Variants in SPRY3 observed in about 807,000 individuals in gnomAD.
SPRY3 encodes the protein sprouty RTK signaling antagonist 3.
SPRY3 carries 15 observed loss-of-function variants against 20.2 expected under a neutral mutation model. The observed-to-expected ratio is 0.74, with a 90% CI of 0.50 to 1.14. SPRY3 has a LOEUF of 1.14. Among genes scored for constraint, SPRY3 ranks in the 50% most tolerant of loss-of-function variants. The pLI is 0.00. For missense variants in SPRY3, 364 were observed against 363.9 expected (o/e 1.00, Z 0.00); for synonymous variants, 143 against 136.5 (o/e 1.05, Z -0.33).
intron 1 of SPRY3, among the ~76,000 whole-genome samples, chrX:155,618,313 C>A (rs959080119): frequency 1.3e-4 from 15 of 111,486 alleles, no homozygotes; most frequent in Non-Finnish European, 2.5e-4. Context: ...TTCTACTCAG[C>A]TTAACTCCCT....
chrX:155,718,369 T>C (rs1319256992), intron 2 of SPRY3, among the ~76,000 whole-genome samples: 2 of 152,146 alleles, frequency 1.3e-5, no homozygotes, highest in Non-Finnish European at 2.9e-5. Context: ...CATAACTATG[T>C]ATAATTTTTG....
intron 2 of SPRY3, chrX:155,767,746 G>GATGAGGAGAAAGAGGAGGAGT (rs2091348220): frequency 7.0e-6 from 1 of 142,314 alleles, no homozygotes; most frequent in Non-Finnish European, 1.5e-5. Flanking sequence ...GAGAGAGGAG[G>GATGAGGAGAAAGAGGAGGAGT]AGGAGGAGAG....
chrX:155,637,858 G>C (rs1220743900), intron 1 of SPRY3, among the ~76,000 whole-genome samples: 1 of 110,022 alleles, frequency 9.1e-6, no homozygotes, highest in Non-Finnish European at 1.9e-5. Flanking sequence ...TGTGTTTTCT[G>C]TCTCCTGACT....
chrX:155,755,124 T>TCATTTGTATGGATATAACCACTCTACC (rs201257706), intron 2 of SPRY3, among the ~76,000 whole-genome samples: 1 of 151,828 alleles, frequency 6.6e-6, no homozygotes, highest in African/African-American at 2.4e-5. Flanking sequence ...AAAAAATAAG[T>TCATTTGTATGGATATAACCACTCTACC]AAAAAGTCTA....
intron 1 of SPRY3, among the ~76,000 whole-genome samples, chrX:155,622,426 C>T (rs1334836450): frequency 9.0e-6 from 1 of 111,686 alleles, no homozygotes; most frequent in East Asian, 2.8e-4. Context: ...GTCTCAGCGG[C>T]TTATTCTGGC....
chrX:155,644,642 C>T (rs1385721756), intron 1 of SPRY3, among the ~76,000 whole-genome samples: 1 of 111,194 alleles, frequency 9.0e-6, no homozygotes, highest in East Asian at 2.9e-4. Flanking sequence ...ACAGGGAGTA[C>T]TGCCAGGCTA....
chrX:155,699,743 A>G (rs1012843554), intron 2 of SPRY3, among the ~76,000 whole-genome samples: 1 of 110,894 alleles, frequency 9.0e-6, no homozygotes, highest in East Asian at 2.8e-4. Context: ...TTGAGCCTAC[A>G]ACTACAGCTG....
chrX:155,748,108 A>G (rs1299641602), intron 2 of SPRY3, among the ~76,000 whole-genome samples: 3 of 151,876 alleles, frequency 2.0e-5, no homozygotes, highest in Non-Finnish European at 4.4e-5. Context: ...TACATTTGCC[A>G]TCCTATTCTT....
At chrX:155,680,614 T>A (rs2068071760) in intron 2 of SPRY3, among the ~76,000 whole-genome samples, 2 of 111,177 alleles carry the variant, frequency 1.8e-5, no homozygotes, top group African/African-American at 6.6e-5. Context: ...GAACACTGAG[T>A]TTCGGATAAA....
intron 2 of SPRY3, among the ~76,000 whole-genome samples, chrX:155,736,793 T>C (rs1471691739): frequency 1.2e-4 from 18 of 152,010 alleles, no homozygotes; most frequent in Non-Finnish European, 2.2e-4. Context: ...TTATTTTGTT[T>C]CTTTCTCTCT....
downstream of SPRY3, chrX:155,777,032 T>C (rs1029724463): frequency 6.0e-6 from 1 of 167,086 alleles, no homozygotes; most frequent in African/African-American, 2.4e-5. Flanking sequence ...CCAATACCTG[T>C]AACCTCTTAT....
At chrX:155,720,290 C>A (rs1430528577) in intron 2 of SPRY3, among the ~76,000 whole-genome samples, 1 of 152,066 alleles carries the variant, frequency 6.6e-6, no homozygotes, top group African/African-American at 2.4e-5. Flanking sequence ...CAATAGAACA[C>A]CATTAGACTT....
At chrX:155,753,196 A>G (rs2091270893) in intron 2 of SPRY3, among the ~76,000 whole-genome samples, 1 of 151,900 alleles carries the variant, frequency 6.6e-6, no homozygotes, top group Admixed American at 6.6e-5. Flanking sequence ...ACTATCTTAT[A>G]CCATAATGTT....
At chrX:155,659,142 T>TCTTTCTTG (rs2068001968) in intron 2 of SPRY3, among the ~76,000 whole-genome samples, 1 of 105,847 alleles carries the variant, frequency 9.4e-6, no homozygotes, top group Non-Finnish European at 1.9e-5. Context: ...TTTCTTTCTT[T>TCTTTCTTG]CTTTCTTTCT....
intron 1 of SPRY3, among the ~76,000 whole-genome samples, chrX:155,655,888 T>C (rs782076771): frequency 8.9e-6 from 1 of 112,306 alleles, no homozygotes; most frequent in South Asian, 3.7e-4. Context: ...GGATATGAAA[T>C]TCTGGGTTGA....
intron 2 of SPRY3, among the ~76,000 whole-genome samples, chrX:155,669,153 A>T (rs1557354548): frequency 9.0e-6 from 1 of 111,188 alleles, no homozygotes; most frequent in African/African-American, 3.3e-5. Context: ...AAAGTCCTAA[A>T]CCATTCAAGG....
At chrX:155,761,569 A>G (rs2091304249) in intron 2 of SPRY3, among the ~76,000 whole-genome samples, 1 of 152,140 alleles carries the variant, frequency 6.6e-6, no homozygotes, top group Non-Finnish European at 1.5e-5. Flanking sequence ...TATATACCCA[A>G]TAGTGGGATT....
At chrX:155,753,489 C>T (rs1389342159) in intron 2 of SPRY3, among the ~76,000 whole-genome samples, 3 of 151,862 alleles carry the variant, frequency 2.0e-5, no homozygotes, top group Non-Finnish European at 4.4e-5. Context: ...TTAGCCTGTC[C>T]TACTGAACAA....
At chrX:155,639,577 C>G (rs782208106) in intron 1 of SPRY3, among the ~76,000 whole-genome samples, 98 of 112,318 alleles carry the variant, frequency 8.7e-4, no homozygotes, top group African/African-American at 2.9e-3. Context: ...GAATAATATT[C>G]TGCTGTATGT....
Sources: allele counts gnomAD v4.1 joint callset (sites outside exome capture counted in the v4.1 genomes callset), GRCh38; gene constraint gnomAD v4.1.1; transcripts MANE v1.5; gene names NCBI Gene and HGNC (gene_info 2026-07-23, HGNC 2026-07-21).